Variants in UGCG observed in about 807,000 individuals in gnomAD.
UGCG encodes the protein ceramide glucosyltransferase.
A neutral mutation model predicts 49.5 loss-of-function variants in UGCG; 10 were observed. That is an observed-to-expected ratio of 0.20 (90% CI 0.12 to 0.34). The LOEUF is 0.34. UGCG is among the 10% of genes least tolerant of loss of function. UGCG has a pLI of 1.00. For missense variants in UGCG, 312 were observed against 483.7 expected (o/e 0.65, Z 3.33); for synonymous variants, 182 against 158.2 (o/e 1.15, Z -1.13).
At chr9:111,916,482 G>A (rs907197668) in intron 2 of UGCG, among the ~76,000 whole-genome samples, 1 of 152,046 alleles carries the variant, frequency 6.6e-6, no homozygotes, top group African/African-American at 2.4e-5. Context: ...GTTCGTTTTT[G>A]TTTTTAAGAC....
intron 1 of UGCG, among the ~76,000 whole-genome samples, chr9:111,906,353 G>C (rs11792486): frequency 2.2e-3 from 336 of 152,024 alleles, no homozygotes; most frequent in African/African-American, 7.2e-3. Context: ...TCAGTTATTG[G>C]CTAAACTCCT....
chr9:111,931,294 C>G lies in UGCG; in HGVS notation c.761C>G (p.Thr254Ser), dbSNP rs1277307030. Reference sequence around the variant, plus strand: ...AGAGGTTGGAGGTTTGCAATGTCCACTCAAGTTGCAATGCAAAACTCTGGC... The same window carrying G: ...AGAGGTTGGAGGTTTGCAATGTCCAGTCAAGTTGCAATGCAAAACTCTGGC... ...ADRGWRFAMS[T>S]QVAMQNSGSY... The change falls in exon 7 of 9, where the codon ACT becomes AGT. Residue 254 changes from threonine to serine, a missense_variant. This residue lies in a region of UGCG where 180 missense variants were observed against 320.4 expected (regional missense o/e 0.56). Transcript: ENST00000374279. 6.2e-7 allele frequency: 1 copy of G among 1,613,904 alleles called. No individual in the cohort carries two copies. Among genetic ancestry groups the G allele is most frequent in the Admixed American group, 1.7e-5 (1 of 60,016 alleles).
chr9:111,906,492 C>T (rs138848861), intron 1 of UGCG, among the ~76,000 whole-genome samples: 326 of 152,228 alleles, frequency 2.1e-3, no homozygotes, highest in African/African-American at 7.3e-3. Flanking sequence ...TTCAGTGGTA[C>T]GGACTCGGCT....
chr9:111,931,188 T>C, intron 6 of UGCG, 83 bp from the exon 7 acceptor site: 1 of 1,377,510 alleles, frequency 7.3e-7, no homozygotes, highest in Non-Finnish European at 1.0e-6. Context: ...GCCTGGTCTT[T>C]ATAATGATTA....
chr9:111,930,321 G>A lies in UGCG; in HGVS notation c.737+643G>A, dbSNP rs142702712. Among the ~76,000 whole-genome samples, 1,292 of 152,184 alleles carry A rather than the reference G, an allele frequency of 8.5e-3. 19 individuals are homozygous for A. The highest frequency in any genetic ancestry group is 0.028 in the African/African-American group (1,177 of 41,500). On this transcript the variant is annotated intron_variant, in intron 6 of 8. Transcript: ENST00000374279. ...TAGAAGAATTAAAACTATCAGTGCAGTCATAAACTAGTAGGTGAAAATTTA... is the reference window on the plus strand; with the variant it reads ...TAGAAGAATTAAAACTATCAGTGCAATCATAAACTAGTAGGTGAAAATTTA...
intron 7 of UGCG, 43 bp downstream of exon 7, chr9:111,931,400 T>C (rs1359583954): frequency 2.5e-6 from 4 of 1,581,186 alleles, no homozygotes; most frequent in Non-Finnish European, 3.5e-6. Flanking sequence ...AAAAGGAAAG[T>C]GGGGAGGGGG....
rs568800816 is a variant in UGCG at position 111,933,876 on chromosome 9, A to T, written c.*879A>T. 6.6e-6 allele frequency: 1 copy of T among 152,034 alleles called. No homozygotes were observed. The highest frequency in any genetic ancestry group is 1.5e-5 in the Non-Finnish European group (1 of 67,988). The allele number at this position is 152,034 out of a possible 1,614,324, so 9.4% of individuals were successfully genotyped here. A position where few individuals can be genotyped will look rare whatever the true frequency, so the allele number is the denominator to read the frequency against. The stretch of plus-strand genomic sequence containing the variant: ...TTCAGGGGGGGTTGGGAGTGGTTTC[A>T]TTTTAGTGTGAGTGGATGTTTTGAT... On this transcript the variant is annotated 3_prime_UTR_variant, in exon 9 of 9. Coordinates refer to ENST00000374279, the MANE Select transcript of UGCG (RefSeq NM_003358.3).
At chr9:111,909,092 T>C (rs959742455) in intron 1 of UGCG, among the ~76,000 whole-genome samples, 1 of 152,222 alleles carries the variant, frequency 6.6e-6, no homozygotes, top group Non-Finnish European at 1.5e-5. Flanking sequence ...CTAATTTTTC[T>C]ATTTTTAGTA....
Position 111,931,912 on chromosome 9 carries a change from C to G in UGCG, c.825-258C>G, listed in dbSNP as rs1331537660. Among the ~76,000 whole-genome samples, 5 of 151,724 alleles carry G rather than the reference C, an allele frequency of 3.3e-5. No individual in the cohort carries two copies. In the East Asian group the frequency reaches 7.7e-4, roughly 23 times the overall value. ...TGTGGTGGCGTGTACACCTGTGGTC[C>G]CAGCTACTTGGTGGGATGAGGTGGG... On this transcript the variant is annotated intron_variant, in intron 7 of 8. Coordinates refer to ENST00000374279, the MANE Select transcript of UGCG (RefSeq NM_003358.3).
At chr9:111,917,627 T>A (rs141957841) in intron 2 of UGCG, among the ~76,000 whole-genome samples, 18 of 152,384 alleles carry the variant, frequency 1.2e-4, no homozygotes, top group South Asian at 4.1e-4. Flanking sequence ...TTTAAAATTT[T>A]ACTTAATTTT....
At chr9:111,914,853 C>A in intron 2 of UGCG, 107 bp downstream of exon 2, 2 of 1,448,038 alleles carry the variant, frequency 1.4e-6, no homozygotes, top group East Asian at 2.4e-5. Flanking sequence ...ATTAAAAATT[C>A]ATGATGATAT....
intron 2 of UGCG, among the ~76,000 whole-genome samples, chr9:111,922,225 T>A (rs1464570908): frequency 6.6e-6 from 1 of 152,170 alleles, no homozygotes; most frequent in Non-Finnish European, 1.5e-5. Flanking sequence ...TTTTCATAGT[T>A]ACAAGGCTAA....
At chr9:111,920,014 CT>C (rs1589524957) in intron 2 of UGCG, among the ~76,000 whole-genome samples, 1 of 152,186 alleles carries the variant, frequency 6.6e-6, no homozygotes, top group East Asian at 1.9e-4. Context: ...CTGACTGACA[CT>C]TTCTGTGACT....
At chr9:111,927,462 T>G (rs938224125) in intron 5 of UGCG, among the ~76,000 whole-genome samples, 1 of 150,560 alleles carries the variant, frequency 6.6e-6, no homozygotes, top group Non-Finnish European at 1.5e-5. Flanking sequence ...TTTGTTTTGT[T>G]TTTTTTTTAG....
chr9:111,925,562 A>G (rs946721582), intron 4 of UGCG, among the ~76,000 whole-genome samples: 17 of 152,336 alleles, frequency 1.1e-4, no homozygotes, highest in Middle Eastern at 3.4e-3. Context: ...AAATATCTTC[A>G]GATGTTGCCG....
chr9:111,933,050 G>A lies in UGCG; in HGVS notation c.*53G>A. The A allele has an allele frequency of 7.5e-7, 1 of 1,331,748 alleles. No individual in the cohort carries two copies. Among genetic ancestry groups the A allele is most frequent in the Non-Finnish European group, 9.7e-7 (1 of 1,027,076 alleles). The allele number at this position is 1,331,748 out of a possible 1,614,324, so 82.5% of individuals were successfully genotyped here. On this transcript the variant is annotated 3_prime_UTR_variant, in exon 9 of 9. Transcript: ENST00000374279. ...AAAAAAGAGAAGTATTATAAATTAT[G>A]TTTATATAAATGCTTTTAAAAATCT...
In UGCG at chr9:111,914,674, G is replaced by A; in HGVS notation, c.168G>A (p.Leu56=). The A allele has an allele frequency of 6.2e-7, 1 of 1,614,126 alleles. No individual in the cohort carries two copies. Among genetic ancestry groups the A allele is most frequent in the Non-Finnish European group, 8.5e-7 (1 of 1,179,998 alleles). Reference sequence around the variant, plus strand: ...GCAAGCTCCCAGGTGTCTCTCTTCTGAAACCACTGAAAGGGGTAGATCCTA... The same window carrying A: ...GCAAGCTCCCAGGTGTCTCTCTTCTAAAACCACTGAAAGGGGTAGATCCTA... ...PYSKLPGVSL[L]KPLKGVDPNL... The change falls in exon 2 of 9, where the codon CTG becomes CTA. Residue 56 remains leucine, a synonymous_variant. Transcript: ENST00000374279.
At chr9:111,915,956 A>G (rs929604909) in intron 2 of UGCG, 4 of 281,622 alleles carry the variant, frequency 1.4e-5, no homozygotes, top group Non-Finnish European at 2.1e-5. Flanking sequence ...CAAAAAAATT[A>G]TATGTTCTAG....
intron 6 of UGCG, among the ~76,000 whole-genome samples, chr9:111,930,635 T>G (rs537304539): frequency 6.6e-6 from 1 of 151,794 alleles, no homozygotes; most frequent in African/African-American, 2.4e-5. Context: ...ACTCAGCTAC[T>G]TTTTTTTGTA....
Sources: gnomAD v4.1 joint callset for allele counts (sites outside exome capture counted in the v4.1 genomes callset) on GRCh38, gnomAD v4.1.1 for gene constraint, gnomAD v4.1.1 regional missense constraint, MANE v1.5 for transcripts, NCBI Gene and HGNC (gene_info 2026-07-23, HGNC 2026-07-21) for gene names.